The following PPFIBP2 variants were observed in gnomAD, a reference collection of about 807,000 sequenced individuals.
PPFIBP2 encodes the protein liprin-beta-2.
A neutral mutation model predicts 118.3 loss-of-function variants in PPFIBP2; 118 were observed. The observed-to-expected ratio is 1.00, with a 90% CI of 0.86 to 1.16. PPFIBP2 has a LOEUF of 1.16. PPFIBP2 is among the 50% of genes most tolerant of loss of function. PPFIBP2 has a pLI of 0.00. For missense variants in PPFIBP2, 1,195 were observed against 1,073.1 expected, an observed-to-expected ratio of 1.11 and a Z score of -1.59; for synonymous variants, 414 against 397.4, an observed-to-expected ratio of 1.04 and a Z score of -0.50.
chr11:7,541,888 TGACTC>T (rs759933121), intron 1 of PPFIBP2, among the ~76,000 whole-genome samples: 2 of 152,202 alleles, frequency 1.3e-5, no homozygotes, highest in Non-Finnish European at 2.9e-5. Flanking sequence ...TAGGCACACT[TGACTC>T]TGCTCTCTCA....
intron 4 of PPFIBP2, among the ~76,000 whole-genome samples, chr11:7,594,780 G>A (rs967403529): frequency 1.3e-5 from 2 of 151,970 alleles, no homozygotes; most frequent in Admixed American, 6.6e-5. Flanking sequence ...AGCCAGGCAT[G>A]GTGATGGGTG....
chr11:7,617,414 C>T (rs1848787981), intron 6 of PPFIBP2: 2 of 582,768 alleles, frequency 3.4e-6, no homozygotes, highest in Non-Finnish European at 2.2e-6. Flanking sequence ...CTGTTGTTAC[C>T]TCTGGGCAGA....
intron 1 of PPFIBP2, among the ~76,000 whole-genome samples, chr11:7,524,409 G>C (rs1426276527): frequency 6.6e-6 from 1 of 152,192 alleles, no homozygotes; most frequent in African/African-American, 2.4e-5. Context: ...TGGAGGTGTA[G>C]ACTGGCCCCA....
chr11:7,660,670 T>G (rs1436223852), downstream of PPFIBP2, among the ~76,000 whole-genome samples: 1 of 151,322 alleles, frequency 6.6e-6, no homozygotes, highest in Non-Finnish European at 1.5e-5. Context: ...ATAAAATGAG[T>G]TAGGGAGGAT....
At chr11:7,665,305 G>C in the PPFIBP2 span, 1 of 1,291,460 alleles carries the variant, frequency 7.7e-7, no homozygotes, top group African/African-American at 1.5e-5. Flanking sequence ...CCAGTTTACC[G>C]TGGTGAAATT....
chr11:7,562,853 T>C (rs1027129256), intron 2 of PPFIBP2, among the ~76,000 whole-genome samples: 18 of 150,018 alleles, frequency 1.2e-4, no homozygotes, highest in African/African-American at 4.4e-4. Context: ...ACTTCCCTCA[T>C]CTAGTATTTA....
chr11:7,613,838 GC>G (rs1312912646), intron 6 of PPFIBP2, among the ~76,000 whole-genome samples: 1 of 152,210 alleles, frequency 6.6e-6, no homozygotes, highest in Non-Finnish European at 1.5e-5. Flanking sequence ...TAAGAAGGGA[GC>G]AGGGACCCCA....
At chr11:7,641,719 C>G (rs1228626251) in intron 16 of PPFIBP2, 99 bp downstream of exon 16, 2 of 1,203,706 alleles carry the variant, frequency 1.7e-6, no homozygotes, top group Non-Finnish European at 2.4e-6. Context: ...GACACTGAAA[C>G]AGCAGTCAAA....
chr11:7,640,689 C>G (rs1852057617), intron 15 of PPFIBP2, among the ~76,000 whole-genome samples: 2 of 152,184 alleles, frequency 1.3e-5, no homozygotes, highest in African/African-American at 2.4e-5. Flanking sequence ...TCAGATTGTT[C>G]TAGTCTGAGC....
chr11:7,594,187 A>G (rs11041468), intron 4 of PPFIBP2, among the ~76,000 whole-genome samples: 49,782 of 151,968 alleles, frequency 0.33, 8,517 homozygotes, highest in East Asian at 0.45. Flanking sequence ...TTTTATGAAC[A>G]TAAGGGTAAT....
At chr11:7,665,955 G>A in the PPFIBP2 span, 1 of 1,527,782 alleles carries the variant, frequency 6.5e-7, no homozygotes, top group Non-Finnish European at 8.8e-7. Flanking sequence ...TGACAAGCAG[G>A]TACAGCCGGG....
chr11:7,539,724 G>A (rs1483562252), intron 1 of PPFIBP2, among the ~76,000 whole-genome samples: 15 of 152,190 alleles, frequency 9.9e-5, no homozygotes, highest in Admixed American at 9.8e-4. Context: ...GGATGGATGG[G>A]AGAGGATCCT....
chr11:7,662,014 A>G (rs1169931025), downstream of PPFIBP2, among the ~76,000 whole-genome samples: 2 of 138,476 alleles, frequency 1.4e-5, no homozygotes, highest in Non-Finnish European at 3.2e-5. Flanking sequence ...ATCTTCCTCC[A>G]TCCTTTTATT....
At chr11:7,659,503 C>G (rs529511854), downstream of PPFIBP2, among the ~76,000 whole-genome samples, 2 of 150,300 alleles carry the variant, frequency 1.3e-5, no homozygotes, top group Non-Finnish European at 3.0e-5. Context: ...TTCCATTGAT[C>G]TATATCTCTG....
intron 2 of PPFIBP2, among the ~76,000 whole-genome samples, chr11:7,555,565 G>A (rs1853514461): frequency 6.6e-6 from 1 of 152,142 alleles, no homozygotes; most frequent in Non-Finnish European, 1.5e-5. Context: ...CATCAGTATC[G>A]GACTCGCTGT....
intron 2 of PPFIBP2, among the ~76,000 whole-genome samples, chr11:7,549,832 C>T (rs941280345): frequency 1.4e-4 from 21 of 152,078 alleles, no homozygotes; most frequent in African/African-American, 4.8e-4. Context: ...TTCAGTGAGA[C>T]TGATTCTAAT....
chr11:7,615,638 C>A (rs576720310), intron 6 of PPFIBP2, among the ~76,000 whole-genome samples: 38 of 152,332 alleles, frequency 2.5e-4, no homozygotes, highest in South Asian at 8.3e-4. Context: ...GTTTGTTTTT[C>A]TCACTTGCTT....
At chr11:7,566,510 G>C (rs575513096) in intron 3 of PPFIBP2, among the ~76,000 whole-genome samples, 3 of 152,092 alleles carry the variant, frequency 2.0e-5, no homozygotes, top group South Asian at 2.1e-4. Flanking sequence ...GCAGAAGTGC[G>C]AGCCACACCT....
chr11:7,630,462 C>T (rs559109606), intron 10 of PPFIBP2, among the ~76,000 whole-genome samples: 1 of 152,316 alleles, frequency 6.6e-6, no homozygotes, highest in East Asian at 1.9e-4. Flanking sequence ...CAGGCACTGG[C>T]CACTATACCT....
Sources: allele counts gnomAD v4.1 joint callset (sites outside exome capture counted in the v4.1 genomes callset), GRCh38; gene constraint gnomAD v4.1.1; transcripts MANE v1.5; gene names NCBI Gene and HGNC (gene_info 2026-07-23, HGNC 2026-07-21).